FBN2: variants seen among roughly 807,000 people sequenced by gnomAD.
FBN2 encodes fibrillin 2, also known as fibrillin-2.
In FBN2, 105 loss-of-function variants were observed where a neutral mutation model predicts 355.6. That is an observed-to-expected ratio of 0.30 (90% CI 0.25 to 0.35). FBN2 has a LOEUF of 0.35. FBN2 is among the 10% of genes least tolerant of loss of function. FBN2 has a pLI of 1.00. For missense variants in FBN2, 3,280 were observed against 3,758.7 expected, an observed-to-expected ratio of 0.87 and a Z score of 3.33; for synonymous variants, 1,350 against 1,301.2, an observed-to-expected ratio of 1.04 and a Z score of -0.81.
intron 7 of FBN2, among the ~76,000 whole-genome samples, chr5:128,418,822 C>A (rs540342112): frequency 6.6e-6 from 1 of 152,048 alleles, no homozygotes; most frequent in Non-Finnish European, 1.5e-5. Context: ...TGTGCTGCTA[C>A]GAAAAATGTG....
intron 19 of FBN2, among the ~76,000 whole-genome samples, chr5:128,361,168 C>A (rs1445191324): frequency 6.6e-6 from 1 of 152,178 alleles, no homozygotes; most frequent in Non-Finnish European, 1.5e-5. Flanking sequence ...CTTTTAAACA[C>A]TAGTTATGGT....
chr5:128,445,656 C>T lies in FBN2; in HGVS notation c.952+825G>A, dbSNP rs189089558. Reference sequence around the variant, plus strand: ...AAATGAGAACAGTTATACTCTATTGCCTTTAGAAAACTGCCTTAGATGAAA... The same window carrying T: ...AAATGAGAACAGTTATACTCTATTGTCTTTAGAAAACTGCCTTAGATGAAA... On this transcript the variant is annotated intron_variant, in intron 7 of 64. Transcript: ENST00000262464. 2.6e-5 allele frequency among the ~76,000 whole-genome samples: 4 copies of T among 152,168 alleles called. No homozygotes were observed. The East Asian group carries it at 7.7e-4, about 29-fold the overall frequency.
At position 128,268,612 on chromosome 5, in the gene FBN2, T is replaced by A. The variant is rs565010694; in HGVS notation, c.7960+3387A>T. Reference sequence around the variant, plus strand: ...GGCCAATATCCCTGACGAACATCGATGCGAAAATCCTCAATAAAATAGTGG... The same window carrying A: ...GGCCAATATCCCTGACGAACATCGAAGCGAAAATCCTCAATAAAATAGTGG... On this transcript the variant is annotated intron_variant, in intron 62 of 64. Transcript: ENST00000262464. Among the ~76,000 whole-genome samples, 3 of 152,298 alleles carry A rather than the reference T, an allele frequency of 2.0e-5. No homozygotes were observed. In the South Asian group the frequency reaches 6.2e-4, roughly 32 times the overall value.
intron 32 of FBN2, among the ~76,000 whole-genome samples, chr5:128,332,296 G>A (rs1211654537): frequency 1.3e-5 from 2 of 152,132 alleles, no homozygotes; most frequent in Non-Finnish European, 2.9e-5. Flanking sequence ...TGTAAGGCAT[G>A]TGAAACACTA....
intron 5 of FBN2, among the ~76,000 whole-genome samples, chr5:128,507,843 T>C (rs1356019017): frequency 1.3e-5 from 2 of 152,060 alleles, no homozygotes; most frequent in Non-Finnish European, 2.9e-5. Context: ...ATTGACTTCT[T>C]ACCTACTCTC....
intron 55 of FBN2, 58 bp from the exon 56 acceptor site, chr5:128,280,375 C>T: frequency 2.2e-6 from 3 of 1,362,926 alleles, no homozygotes; most frequent in Non-Finnish European, 3.1e-6. Context: ...AGTTTACAAG[C>T]TATCTTCTAA....
intron 51 of FBN2, among the ~76,000 whole-genome samples, 177 bp downstream of exon 51, chr5:128,289,705 C>T (rs749842647): frequency 5.9e-5 from 9 of 151,742 alleles, no homozygotes; most frequent in South Asian, 2.1e-4. Flanking sequence ...TCATATATCA[C>T]GATATAATCT....
Position 128,464,853 on chromosome 5 carries a change from C to T in FBN2, c.697G>A (p.Val233Ile), listed in dbSNP as rs937300909. ...QMCQGQLTGI[V>I]CTKTLCCATI... ...GCACAGCACAGAGTCTTCGTGCAGA[C>T]AATGCCTGTCAGCTGCCCTTGGCAC... The change falls in exon 6 of 65, where the codon GTC (valine) becomes ATC (isoleucine). Residue 233 changes from valine to isoleucine, a missense_variant. Val to Ile is a conservative substitution (Grantham distance 29). Transcript: ENST00000262464. The T allele has an allele frequency of 6.2e-7, 1 of 1,614,242 alleles. No individual in the cohort carries two copies. Among genetic ancestry groups the T allele is most frequent in the Non-Finnish European group, 8.5e-7 (1 of 1,180,044 alleles).
At chr5:128,406,870 C>G (rs1188731963) in intron 8 of FBN2, among the ~76,000 whole-genome samples, 1 of 152,178 alleles carries the variant, frequency 6.6e-6, no homozygotes, top group East Asian at 1.9e-4. Context: ...TTAAATGAAT[C>G]AAACTTACTA....
chr5:128,278,981 C>A lies in FBN2; in HGVS notation c.7139-140G>T. ...TAATGTCTTAATTATTTAAGTTTTG[C>A]TGGCAGTTAAGTTCATAGCATATTC... On this transcript the variant is annotated intron_variant, in intron 56 of 64. Coordinates refer to ENST00000262464, the MANE Select transcript of FBN2 (RefSeq NM_001999.4). 5.4e-6 allele frequency: 4 copies of A among 747,626 alleles called. No individual in the cohort carries two copies. In the South Asian group the frequency reaches 6.0e-5, roughly 11 times the overall value. The allele number at this position is 747,626 out of a possible 1,614,324, so 46.3% of individuals were successfully genotyped here.
intron 51 of FBN2, 101 bp from the exon 52 acceptor site, chr5:128,289,353 G>A: frequency 1.6e-6 from 2 of 1,225,328 alleles, no homozygotes; most frequent in Admixed American, 1.7e-5. Flanking sequence ...GGAGGCCGAG[G>A]TGGGTGGATC....
intron 41 of FBN2, 26 bp downstream of exon 41, chr5:128,309,221 A>G (rs1189903447): frequency 6.2e-7 from 1 of 1,612,698 alleles, no homozygotes; most frequent in Non-Finnish European, 8.5e-7. Flanking sequence ...TGTGGCAGTC[A>G]GCAGATGCAC....
At chr5:128,287,105 A>C (rs1749175838) in intron 54 of FBN2, among the ~76,000 whole-genome samples, 1 of 152,276 alleles carries the variant, frequency 6.6e-6, no homozygotes, top group Admixed American at 6.5e-5. Flanking sequence ...TGGGCTTCTC[A>C]ACCCATCTTA....
At chr5:128,469,088 G>A (rs1010626011) in intron 5 of FBN2, among the ~76,000 whole-genome samples, 1 of 152,178 alleles carries the variant, frequency 6.6e-6, no homozygotes, top group Middle Eastern at 3.4e-3. Flanking sequence ...TAACAGTGAG[G>A]GGAAAAAAGT....
intron 61 of FBN2, among the ~76,000 whole-genome samples, chr5:128,273,403 C>T (rs1765311872): frequency 6.6e-6 from 1 of 152,228 alleles, no homozygotes; most frequent in Non-Finnish European, 1.5e-5. Flanking sequence ...AAACAGCCAT[C>T]ATTTCACCTT....
At chr5:128,352,778 C>T (rs1751401787) in intron 20 of FBN2, among the ~76,000 whole-genome samples, 1 of 152,158 alleles carries the variant, frequency 6.6e-6, no homozygotes, top group African/African-American at 2.4e-5. Context: ...TTACCAAAAC[C>T]TCAACAGCAT....
chr5:128,297,256 A>T (rs1289308650), intron 48 of FBN2, among the ~76,000 whole-genome samples: 2 of 152,136 alleles, frequency 1.3e-5, no homozygotes, highest in African/African-American at 4.8e-5. Flanking sequence ...TTTACTTCCA[A>T]GTATGTGGTC....
Position 128,374,663 on chromosome 5 carries a change from C to T in FBN2, c.2060G>A (p.Gly687Asp), listed in dbSNP as rs769947673. Reference sequence around the variant, plus strand: ...ACGTCCATCCATGCCCACAGCCAGGCCTGGGGGACAGTCACAGCGGAAGGA... The same window carrying T: ...ACGTCCATCCATGCCCACAGCCAGGTCTGGGGGACAGTCACAGCGGAAGGA... ...EGSFRCDCPP[G>D]LAVGMDGRVC... Residue 687 changes from glycine (G) to aspartate (D), a missense_variant, in exon 15 of 65, where the codon GGC becomes GAC. Transcript: ENST00000262464. 8 of 1,613,980 alleles carry T rather than the reference C, an allele frequency of 5.0e-6. No individual in the cohort carries two copies. The highest frequency in any genetic ancestry group is 3.3e-5 in the Admixed American group (2 of 59,990).
chr5:128,328,628 C>T (rs769936566), intron 34 of FBN2, 68 bp downstream of exon 34: 39 of 1,560,180 alleles, frequency 2.5e-5, no homozygotes, highest in Admixed American at 2.4e-4. Context: ...CTTGTTCCAG[C>T]CCTTGTTGTG....
Sources: gnomAD v4.1 joint callset for allele counts (sites outside exome capture counted in the v4.1 genomes callset) on GRCh38, gnomAD v4.1.1 for gene constraint, MANE v1.5 for transcripts, NCBI Gene and HGNC (gene_info 2026-07-23, HGNC 2026-07-21) for gene names.